Variants in ITGAE observed in about 807,000 individuals in gnomAD.
ITGAE encodes the protein integrin subunit alpha E, also known as integrin alpha-E.
ITGAE carries 99 observed loss-of-function variants against 136.5 expected under a neutral mutation model. The observed-to-expected ratio is 0.73, with a 90% CI of 0.62 to 0.86. ITGAE has a LOEUF of 0.86. ITGAE is among the 40% of genes least tolerant of loss of function. The pLI, the probability that ITGAE is intolerant of heterozygous loss-of-function variation, is 0.00. For synonymous variants in ITGAE, 613 were observed against 591.8 expected, an observed-to-expected ratio of 1.04 and a Z score of -0.52; for missense variants, 1,447 against 1,515.3, an observed-to-expected ratio of 0.95 and a Z score of 0.75.
chr17:3,727,349 T>G (rs1023726255), intron 26 of ITGAE, among the ~76,000 whole-genome samples: 1 of 151,994 alleles, frequency 6.6e-6, no homozygotes, highest in Non-Finnish European at 1.5e-5. Context: ...AAGCAGAATT[T>G]ATCAATTTTC....
chr17:3,725,063 G>A (rs1597300617), intron 26 of ITGAE: 1 of 1,614,214 alleles, frequency 6.2e-7, no homozygotes, highest in Non-Finnish European at 8.5e-7. Flanking sequence ...CTCCTTTACA[G>A]AATGTCTGCT....
At chr17:3,773,177 G>A (rs1597355215) in intron 2 of ITGAE, among the ~76,000 whole-genome samples, 1 of 152,076 alleles carries the variant, frequency 6.6e-6, no homozygotes, top group South Asian at 2.1e-4. Flanking sequence ...AGCACTTACC[G>A]ACATTTACTG....
intron 2 of ITGAE, among the ~76,000 whole-genome samples, chr17:3,777,243 G>C (rs553124639): frequency 1.1e-4 from 16 of 152,316 alleles, no homozygotes; most frequent in African/African-American, 3.8e-4. Context: ...TTACAGGCGT[G>C]AGCCACCGTG....
intron 2 of ITGAE, among the ~76,000 whole-genome samples, chr17:3,765,336 G>A (rs574783756): frequency 8.6e-4 from 90 of 104,052 alleles, no homozygotes; most frequent in African/African-American, 3.2e-3. Flanking sequence ...GTGACAGAGC[G>A]AGACTCTGTC....
chr17:3,753,853 T>G lies in ITGAE; in HGVS notation c.1457A>C (p.His486Pro). The change falls in exon 13 of 31, where the codon CAT becomes CCT. Residue 486 changes from histidine (H) to proline (P), a missense_variant. Physicochemically the swap from His to Pro is moderately conservative, Grantham distance 77. Around this residue, in one of 3 missense-constraint regions of ITGAE, gnomAD observed 1,031 missense variants for 1,011.4 expected, o/e 1.02. Coordinates refer to ENST00000263087, the MANE Select transcript of ITGAE (RefSeq NM_002208.5). The part of the protein sequence containing the change: ...YIAGAPRYKH[H>P]GAVFELQKEG... Reference sequence around the variant, plus strand: ...CTTCTGGAGCTCAAACACGGCCCCATGATGTTTGTACCGTGGAGCCCCCGC... The same window carrying G: ...CTTCTGGAGCTCAAACACGGCCCCAGGATGTTTGTACCGTGGAGCCCCCGC... 1 of 1,614,102 alleles carries G rather than the reference T, an allele frequency of 6.2e-7. No individual in the cohort carries two copies. The highest frequency in any genetic ancestry group is 8.5e-7 in the Non-Finnish European group (1 of 1,179,986).
intron 21 of ITGAE, among the ~76,000 whole-genome samples, chr17:3,733,012 T>A (rs1289710930): frequency 2.6e-5 from 4 of 152,124 alleles, no homozygotes; most frequent in Non-Finnish European, 5.9e-5. Flanking sequence ...GAGATGGAGT[T>A]TCACTCTTTC....
intron 3 of ITGAE, 86 bp downstream of exon 3, chr17:3,763,783 G>T (rs1199792436): frequency 9.6e-7 from 1 of 1,045,240 alleles, no homozygotes; most frequent in Non-Finnish European, 1.5e-6. Context: ...GCAGGGCTGG[G>T]GTTGGAATGG....
chr17:3,755,381 T>C, intron 11 of ITGAE, 120 bp from the exon 12 acceptor site: 1 of 1,187,504 alleles, frequency 8.4e-7, no homozygotes, highest in Non-Finnish European at 1.1e-6. Flanking sequence ...CGTTCGGTGG[T>C]CTAGTGCCCG....
chr17:3,739,679 C>A (rs948235792), intron 20 of ITGAE, 126 bp downstream of exon 20: 1 of 767,604 alleles, frequency 1.3e-6, no homozygotes. Context: ...ATAATAAGTG[C>A]AGAAGCCATT....
chr17:3,769,524 T>C (rs1050757255), intron 2 of ITGAE, among the ~76,000 whole-genome samples: 2 of 152,190 alleles, frequency 1.3e-5, no homozygotes, highest in African/African-American at 4.8e-5. Flanking sequence ...AGTTTGCAGG[T>C]TTGTTGACCA....
chr17:3,729,718 C>T, intron 23 of ITGAE, 163 bp from the exon 24 acceptor site: 1 of 589,064 alleles, frequency 1.7e-6, no homozygotes, highest in East Asian at 3.1e-5. Context: ...CCTCAGCCTC[C>T]TGAGTAGCTG....
intron 16 of ITGAE, 85 bp from the exon 17 acceptor site, chr17:3,748,137 G>A (rs1282259827): frequency 1.2e-5 from 17 of 1,390,914 alleles, no homozygotes; most frequent in Non-Finnish European, 1.7e-5. Context: ...GCATTCAATG[G>A]TTCTCTATCA....
At chr17:3,796,631 A>T (rs577243202) in intron 1 of ITGAE, among the ~76,000 whole-genome samples, 120 of 151,050 alleles carry the variant, frequency 7.9e-4, no homozygotes, top group Non-Finnish European at 1.3e-3. Flanking sequence ...ACTTACAGAC[A>T]TAGCTACACC....
In ITGAE at chr17:3,727,012, G is replaced by A. The variant is rs556928297; in HGVS notation, c.3084+907C>T. 2.0e-5 allele frequency among the ~76,000 whole-genome samples: 3 copies of A among 152,138 alleles called. No individual in the cohort carries two copies. The East Asian group carries it at 5.8e-4, about 29-fold the overall frequency. ...CAAAGTGCTGGGTGATTACAGGAGT[G>A]AGCCATGGCACCTGACCTATAAGCC... On this transcript the variant is annotated intron_variant, in intron 26 of 30. Coordinates refer to ENST00000263087, the MANE Select transcript of ITGAE (RefSeq NM_002208.5).
At chr17:3,777,024 C>G (rs1216006470) in intron 2 of ITGAE, among the ~76,000 whole-genome samples, 8 of 150,846 alleles carry the variant, frequency 5.3e-5, no homozygotes, top group Non-Finnish European at 1.2e-4. Context: ...GCAGTGGCGC[C>G]ATCTCGGTTC....
At chr17:3,764,291 C>T (rs985942447) in intron 2 of ITGAE, among the ~76,000 whole-genome samples, 4 of 152,196 alleles carry the variant, frequency 2.6e-5, no homozygotes, top group African/African-American at 9.7e-5. Context: ...GGGGTTGGTT[C>T]TGTTGGGGGC....
chr17:3,754,098 T>G (rs190935764), intron 12 of ITGAE, among the ~76,000 whole-genome samples, 173 bp from the exon 13 acceptor site: 1 of 152,244 alleles, frequency 6.6e-6, no homozygotes, highest in East Asian at 1.9e-4. Flanking sequence ...ACTCTCACTT[T>G]GCCAGTCACA....
At chr17:3,732,956 T>C (rs550174010) in intron 21 of ITGAE, among the ~76,000 whole-genome samples, 1 of 152,290 alleles carries the variant, frequency 6.6e-6, no homozygotes, top group South Asian at 2.1e-4. Flanking sequence ...CTAGTTCCCC[T>C]CTAGATGCCT....
chr17:3,780,869 T>C (rs1029260918), intron 1 of ITGAE, among the ~76,000 whole-genome samples: 4 of 152,022 alleles, frequency 2.6e-5, no homozygotes, highest in African/African-American at 9.7e-5. Context: ...CCTGGCTAAT[T>C]TTTAAAAAAT....
Sources: allele counts gnomAD v4.1 joint callset (sites outside exome capture counted in the v4.1 genomes callset), GRCh38; gene constraint gnomAD v4.1.1; regional missense constraint gnomAD v4.1.1; transcripts MANE v1.5; gene names NCBI Gene and HGNC (gene_info 2026-07-23, HGNC 2026-07-21).